Variants in TTLL9 observed in about 807,000 individuals in gnomAD.
TTLL9 encodes probable tubulin polyglutamylase TTLL9.
Under a neutral mutation model 65.6 loss-of-function variants are expected in TTLL9, and 47 were observed. That is an observed-to-expected ratio of 0.72 (90% CI 0.57 to 0.91). TTLL9 has a LOEUF of 0.91. TTLL9 is among the 40% of genes least tolerant of loss of function. The pLI is 0.00. For synonymous variants in TTLL9, 179 were observed against 204.8 expected (o/e 0.87, Z 1.07); for missense variants, 537 against 568.8 (o/e 0.94, Z 0.57).
intron 2 of TTLL9, among the ~76,000 whole-genome samples, chr20:31,885,841 A>G (rs1413321220): frequency 6.6e-6 from 1 of 152,194 alleles, no homozygotes; most frequent in African/African-American, 2.4e-5. Flanking sequence ...ACTCCATCAT[A>G]GGTGACTTGG....
At chr20:31,882,244 C>T (rs1478238041) in intron 2 of TTLL9, among the ~76,000 whole-genome samples, 1 of 152,138 alleles carries the variant, frequency 6.6e-6, no homozygotes, top group East Asian at 1.9e-4. Flanking sequence ...TGGGAACTCT[C>T]CAGAGGGCTA....
intron 14 of TTLL9, among the ~76,000 whole-genome samples, chr20:31,941,461 C>A (rs1368859410): frequency 6.6e-6 from 1 of 152,024 alleles, no homozygotes; most frequent in Non-Finnish European, 1.5e-5. Context: ...AGACTACTGA[C>A]GCCTGCCAGA....
intron 7 of TTLL9, among the ~76,000 whole-genome samples, chr20:31,920,225 A>ACG (rs1276063754): frequency 3.9e-4 from 40 of 103,228 alleles, no homozygotes; most frequent in Non-Finnish European, 7.0e-4. Context: ...ATAAGCAAAC[A>ACG]CGCGCACACA....
chr20:31,912,268 G>T (rs1323424047), intron 6 of TTLL9, among the ~76,000 whole-genome samples: 3 of 152,140 alleles, frequency 2.0e-5, no homozygotes, highest in African/African-American at 7.2e-5. Context: ...TACAGTGCCC[G>T]TGCAGCATCC....
intron 3 of TTLL9, among the ~76,000 whole-genome samples, chr20:31,896,634 A>C (rs2063393069): frequency 6.6e-6 from 1 of 151,790 alleles, no homozygotes; most frequent in South Asian, 2.1e-4. Flanking sequence ...AATTCAAGCG[A>C]TTCTCCTGCC....
At chr20:31,896,274 G>A (rs990927751) in intron 3 of TTLL9, among the ~76,000 whole-genome samples, 5 of 152,158 alleles carry the variant, frequency 3.3e-5, no homozygotes, top group Admixed American at 3.3e-4. Flanking sequence ...CACCTAGCCC[G>A]GCCCCCTGGC....
chr20:31,901,854 T>G (rs2063484569), intron 4 of TTLL9, among the ~76,000 whole-genome samples: 1 of 152,174 alleles, frequency 6.6e-6, no homozygotes, highest in Non-Finnish European at 1.5e-5. Context: ...CACTTCACAA[T>G]TCTTTATTAT....
intron 3 of TTLL9, among the ~76,000 whole-genome samples, chr20:31,895,523 C>T (rs940699241): frequency 6.6e-6 from 1 of 152,160 alleles, no homozygotes; most frequent in Non-Finnish European, 1.5e-5. Context: ...TTTCCTGGCT[C>T]TGTATTTTTA....
At chr20:31,895,187 A>G (rs1355412292) in intron 3 of TTLL9, among the ~76,000 whole-genome samples, 2 of 152,236 alleles carry the variant, frequency 1.3e-5, no homozygotes, top group African/African-American at 4.8e-5. Flanking sequence ...TCTTGGGGAA[A>G]GAGGAGATTT....
intron 3 of TTLL9, among the ~76,000 whole-genome samples, chr20:31,892,858 G>A (rs2063326799): frequency 6.6e-6 from 1 of 152,138 alleles, no homozygotes; most frequent in South Asian, 2.1e-4. Context: ...ACACACTTCT[G>A]TTTGCTCCCC....
At chr20:31,888,836 A>C (rs577892200) in intron 3 of TTLL9, among the ~76,000 whole-genome samples, 68 of 152,016 alleles carry the variant, frequency 4.5e-4, no homozygotes, top group Non-Finnish European at 1.3e-4. Context: ...TCTTTTAAAC[A>C]ACCAGATCTC....
At chr20:31,886,440 G>T (rs957257002) in intron 2 of TTLL9, among the ~76,000 whole-genome samples, 2 of 152,208 alleles carry the variant, frequency 1.3e-5, no homozygotes. Context: ...TCCAATTGGG[G>T]TGAAAGGAAT....
intron 2 of TTLL9, chr20:31,872,932 A>G (rs2062959079): frequency 2.0e-6 from 1 of 491,254 alleles, no homozygotes; most frequent in African/African-American, 1.9e-5. Context: ...TCGGATAAAA[A>G]TCCAACAGGA....
chr20:31,887,853 C>CT (rs2063214800), intron 3 of TTLL9, among the ~76,000 whole-genome samples: 5 of 147,646 alleles, frequency 3.4e-5, no homozygotes, highest in Admixed American at 6.9e-5. Context: ...GATATCTCCT[C>CT]TCCTCTTCTC....
chr20:31,879,985 GTGTTCCTC>G, intron 2 of TTLL9: 1 of 856,700 alleles, frequency 1.2e-6, no homozygotes, highest in Non-Finnish European at 1.7e-6. Flanking sequence ...TTGGGGATGG[GTGTTCCTC>G]GCGGAATGGG....
intron 2 of TTLL9, among the ~76,000 whole-genome samples, chr20:31,873,726 GAAA>G (rs1568722254): frequency 5.3e-4 from 60 of 113,096 alleles, no homozygotes; most frequent in Non-Finnish European, 8.7e-4. Context: ...AAGAAAGAAA[GAAA>G]GAAAGAAAAA....
chr20:31,872,899 G>A, intron 2 of TTLL9: 1 of 457,008 alleles, frequency 2.2e-6, no homozygotes, highest in South Asian at 1.6e-5. Context: ...ATGATTGGGA[G>A]TTAAAGTTTT....
intron 3 of TTLL9, among the ~76,000 whole-genome samples, chr20:31,889,005 C>A (rs1375283444): frequency 6.6e-6 from 1 of 151,396 alleles, no homozygotes; most frequent in Non-Finnish European, 1.5e-5. Flanking sequence ...ACATCCAAAC[C>A]ATATCAAGGC....
chr20:31,897,937 A>G (rs1425119022), intron 3 of TTLL9, among the ~76,000 whole-genome samples: 1 of 152,078 alleles, frequency 6.6e-6, no homozygotes, highest in Non-Finnish European at 1.5e-5. Flanking sequence ...GCCCATTGGC[A>G]TTTCTGGGTT....
Sources: gnomAD v4.1 joint callset for allele counts (sites outside exome capture counted in the v4.1 genomes callset) on GRCh38, gnomAD v4.1.1 for gene constraint, MANE v1.5 for transcripts, NCBI Gene and HGNC (gene_info 2026-07-23, HGNC 2026-07-21) for gene names.